CAMKV: variants seen among roughly 807,000 people sequenced by gnomAD.
CAMKV encodes CaM kinase like vesicle associated, also known as caM kinase-like vesicle-associated protein.
A neutral mutation model predicts 50.2 loss-of-function variants in CAMKV; 5 were observed. The observed-to-expected ratio is 0.10, with a 90% CI of 0.05 to 0.21. CAMKV has a LOEUF of 0.21. Ranked by LOEUF, CAMKV falls within the 10% of genes least tolerant of loss-of-function variation. CAMKV has a pLI of 1.00. For synonymous variants in CAMKV, 229 were observed against 250.1 expected (o/e 0.92, Z 0.80); for missense variants, 361 against 650.5 (o/e 0.55, Z 4.84).
chr3:49,866,187 G>A (rs992344153), intron 1 of CAMKV, among the ~76,000 whole-genome samples: 4 of 152,172 alleles, frequency 2.6e-5, no homozygotes, highest in Non-Finnish European at 5.9e-5. Context: ...AGAAAGAGGG[G>A]CCTGGCTTTC....
Position 49,858,075 on chromosome 3 carries a change from C to A in CAMKV, c.*1243G>T, listed in dbSNP as rs1230464403. ...TCACACACCAGAGCAGACCCACAGG[C>A]ATGCAGGGAGAAGGGCAGGACCACC... On this transcript the variant is annotated 3_prime_UTR_variant, in exon 11 of 11. Transcript: ENST00000477224. 16 of 394,240 alleles carry A rather than the reference C, an allele frequency of 4.1e-5. No individual in the cohort carries two copies. The highest frequency in any genetic ancestry group is 6.7e-5 in the Non-Finnish European group (15 of 223,798). 24.4% of individuals were successfully genotyped at this position (394,240 alleles called of 1,614,324 possible).
chr3:49,861,885 C>G lies in CAMKV; in HGVS notation c.228-20G>C, dbSNP rs183270938. On this transcript the variant is annotated intron_variant, in intron 3 of 10. Transcript: ENST00000477224. This position sits in a 1 kb window ranked among gnomAD's most constrained non-coding sequence, Gnocchi z 7.7. ...TTCACCCTGGCGACAGGGAGGGGAG[C>G]CAGTAGTTAGGGCTGGATGAACCCC... The G allele has an allele frequency of 2.8e-4, 455 of 1,613,148 alleles. 4 individuals carry two copies. In the African/African-American group the frequency reaches 4.8e-3, roughly 17 times the overall value.
At position 49,859,292 on chromosome 3, in the gene CAMKV, C is replaced by T; in HGVS notation, c.*26G>A. 1 of 1,509,404 alleles carries T rather than the reference C, an allele frequency of 6.6e-7. No homozygotes were observed. The highest frequency in any genetic ancestry group is 8.8e-7 in the Non-Finnish European group (1 of 1,132,504). 93.5% of individuals were successfully genotyped at this position (1,509,404 alleles called of 1,614,324 possible). A position where few individuals can be genotyped will look rare whatever the true frequency, so the allele number is the denominator to read the frequency against. On this transcript the variant is annotated 3_prime_UTR_variant, in exon 11 of 11. Transcript: ENST00000477224. The surrounding 1 kb of genome is among the most constrained non-coding windows in gnomAD (Gnocchi z 5.5). ...ACTCTCCCACCCTCCTGCCCATCCC[C>T]TGCCCCCCCTCACCAGGCTGCCTAC...
Position 49,861,306 on chromosome 3 carries a change from G to A in CAMKV, c.442-6C>T. ...TAGTAAACCAGGTTCTCCAGCTGTG[G>A]TGTGAGAATAGCATGTGGGTGAGCA... On this transcript the variant is annotated splice_polypyrimidine_tract_variant and splice_region_variant and intron_variant, in intron 5 of 10. Coordinates refer to ENST00000477224, the MANE Select transcript of CAMKV (RefSeq NM_024046.5). The surrounding 1 kb of genome is among the most constrained non-coding windows in gnomAD (Gnocchi z 7.7). 6.2e-7 allele frequency: 1 copy of A among 1,614,120 alleles called. No homozygotes were observed.
intron 1 of CAMKV, among the ~76,000 whole-genome samples, chr3:49,867,890 G>A (rs1163996960): frequency 2.6e-5 from 4 of 152,194 alleles, no homozygotes; most frequent in Non-Finnish European, 5.9e-5. Flanking sequence ...GGGGCGGATG[G>A]GTGCCCAGCA....
Position 49,862,054 on chromosome 3 carries a change from A to C in CAMKV, c.218T>G (p.Ile73Ser). The change falls in exon 3 of 11, where the codon ATC becomes AGC. Residue 73 changes from isoleucine (I) to serine (S), a missense_variant. Around this residue, in one of 4 missense-constraint regions of CAMKV, gnomAD observed 172 missense variants for 414.3 expected, o/e 0.42. Coordinates refer to ENST00000477224, the MANE Select transcript of CAMKV (RefSeq NM_024046.5). This position sits in a 1 kb window ranked among gnomAD's most constrained non-coding sequence, Gnocchi z 5.2. ...VRKAAKNEIG[I>S]LKMVKHPNIL... ...CAGGCCTCAAACTCACATCTTGAGG[A>C]TGCCTATCTCGTTCTTGGCAGCTTT... is the stretch of plus-strand genomic sequence containing the variant. 6.2e-7 allele frequency: 1 copy of C among 1,614,066 alleles called. No homozygotes were observed. Among genetic ancestry groups the C allele is most frequent in the Non-Finnish European group, 8.5e-7 (1 of 1,180,008 alleles).
Position 49,859,057 on chromosome 3 carries a change from GA to G in CAMKV, c.*260del. On this transcript the variant is annotated 3_prime_UTR_variant, in exon 11 of 11. Transcript: ENST00000477224. The surrounding 1 kb of genome is among the most constrained non-coding windows in gnomAD (Gnocchi z 5.5). ...CATCCCACAAGGAACAGAAACTGGTGAAGCTAGCAAAAGACAGAAAAGCCAC... is the reference window on the plus strand; with the variant it reads ...CATCCCACAAGGAACAGAAACTGGTGAGCTAGCAAAAGACAGAAAAGCCAC... 2.4e-6 allele frequency: 1 copy of G among 414,268 alleles called. No homozygotes were observed. The highest frequency in any genetic ancestry group is 4.3e-6 in the Non-Finnish European group (1 of 233,204). 25.7% of individuals were successfully genotyped at this position (414,268 alleles called of 1,614,324 possible).
Position 49,861,992 on chromosome 3 carries a change from A to G in CAMKV, c.227+53T>C. 1 of 1,612,382 alleles carries G rather than the reference A, an allele frequency of 6.2e-7. No homozygotes were observed. The highest frequency in any genetic ancestry group is 1.1e-5 in the South Asian group (1 of 90,720). On this transcript the variant is annotated intron_variant, in intron 3 of 10. Transcript: ENST00000477224. The surrounding 1 kb of genome is among the most constrained non-coding windows in gnomAD (Gnocchi z 7.7). ...GACTGCCTGAGGCCACTTGCCCTCT[A>G]AGCCCTTCCCTGCTGCCTCCCACCC...
At chr3:49,868,701 G>A (rs571879789) in intron 1 of CAMKV, among the ~76,000 whole-genome samples, 9 of 152,300 alleles carry the variant, frequency 5.9e-5, no homozygotes, top group Non-Finnish European at 8.8e-5. Context: ...CTCAGAAGTC[G>A]CTGGAGCTGC....
chr3:49,862,158 G>A lies in CAMKV; in HGVS notation c.114C>T (p.Ile38=). Residue 38 remains isoleucine, a synonymous_variant, in exon 3 of 11, where the codon ATC becomes ATT. Coordinates refer to ENST00000477224, the MANE Select transcript of CAMKV (RefSeq NM_024046.5). The surrounding 1 kb of genome is among the most constrained non-coding windows in gnomAD (Gnocchi z 5.2). The stretch of plus-strand genomic sequence containing the variant: ...CTGTCGTCTTGTCCTTGGCCCGGAA[G>A]ATTTCACAAAACTCCTCACTGCAGC... ...QVIKTEEFCE[I]FRAKDKTTGK... is the part of the protein sequence containing the mutation. 1 of 1,614,188 alleles carries A rather than the reference G, an allele frequency of 6.2e-7. No homozygotes were observed. Among genetic ancestry groups the A allele is most frequent in the Non-Finnish European group, 8.5e-7 (1 of 1,180,038 alleles).
rs1252469714 is a variant in CAMKV at position 49,859,306 on chromosome 3, C to T, written c.*12G>A. 2 of 1,517,916 alleles carry T rather than the reference C, an allele frequency of 1.3e-6. No individual in the cohort carries two copies. Among genetic ancestry groups the T allele is most frequent in the Non-Finnish European group, 1.8e-6 (2 of 1,136,270 alleles). 94.0% of individuals were successfully genotyped at this position (1,517,916 alleles called of 1,614,324 possible). A position where few individuals can be genotyped will look rare whatever the true frequency, so the allele number is the denominator to read the frequency against. The stretch of plus-strand genomic sequence containing the variant: ...CTGCCCATCCCCTGCCCCCCCTCAC[C>T]AGGCTGCCTACTCAGCTGGCCTCCT... On this transcript the variant is annotated 3_prime_UTR_variant, in exon 11 of 11. Transcript: ENST00000477224. The surrounding 1 kb of genome is among the most constrained non-coding windows in gnomAD (Gnocchi z 5.5).
rs1413865071 is a variant in CAMKV at position 49,869,431 on chromosome 3, T to C, written c.-15+327A>G. 6.6e-6 allele frequency among the ~76,000 whole-genome samples: 1 copy of C among 151,934 alleles called. No homozygotes were observed. Among genetic ancestry groups the C allele is most frequent in the Non-Finnish European group, 1.5e-5 (1 of 67,960 alleles). ...ACAGTTGGGAGGGGCTGGAGGCGGC[T>C]CTGGGAACGGGGAGGGACGGCTCAG... On this transcript the variant is annotated intron_variant, in intron 1 of 10. Transcript: ENST00000477224. This position sits in a 1 kb window ranked among gnomAD's most constrained non-coding sequence, Gnocchi z 5.2.
chr3:49,867,875 T>C lies in CAMKV; in HGVS notation c.-15+1883A>G, dbSNP rs146157404. On this transcript the variant is annotated intron_variant, in intron 1 of 10. Transcript: ENST00000477224. Reference sequence around the variant, plus strand: ...GGAAAGGGGAGGTGGACGGGAGTTCTGAAGGGGGCGGATGGGTGCCCAGCA... The same window carrying C: ...GGAAAGGGGAGGTGGACGGGAGTTCCGAAGGGGGCGGATGGGTGCCCAGCA... Among the ~76,000 whole-genome samples, 620 of 152,310 alleles carry C rather than the reference T, an allele frequency of 4.1e-3. 3 individuals carry two copies. Among genetic ancestry groups the C allele is most frequent in the Non-Finnish European group, 6.8e-3 (461 of 68,012 alleles).
rs1485071322 is a variant in CAMKV at position 49,862,885 on chromosome 3, C to A, written c.-14-483G>T. Among the ~76,000 whole-genome samples the A allele has an allele frequency of 6.6e-6, 1 of 152,190 alleles. No individual in the cohort carries two copies. The highest frequency in any genetic ancestry group is 2.4e-5 in the African/African-American group (1 of 41,438). The stretch of plus-strand genomic sequence containing the variant: ...AAACCACTAAAGTCAAACAAACATA[C>A]CCTATGAACCAGCAATTGCACTCCT... On this transcript the variant is annotated intron_variant, in intron 1 of 10. Coordinates refer to ENST00000477224, the MANE Select transcript of CAMKV (RefSeq NM_024046.5). The surrounding 1 kb of genome is among the most constrained non-coding windows in gnomAD (Gnocchi z 5.2).
chr3:49,869,502 A>G lies in CAMKV; in HGVS notation c.-15+256T>C, dbSNP rs2082090244. ...GGGGGACCACGAATCTTCGAGGGTT[A>G]ATCTTTTCACAATTCCGAGCCGCAG... On this transcript the variant is annotated intron_variant, in intron 1 of 10. Transcript: ENST00000477224. The surrounding 1 kb of genome is among the most constrained non-coding windows in gnomAD (Gnocchi z 5.2). 6.6e-6 allele frequency among the ~76,000 whole-genome samples: 1 copy of G among 152,082 alleles called. No individual in the cohort carries two copies. The highest frequency in any genetic ancestry group is 1.5e-5 in the Non-Finnish European group (1 of 67,998).
intron 1 of CAMKV, among the ~76,000 whole-genome samples, chr3:49,867,053 T>C (rs1368916535): frequency 6.6e-6 from 1 of 152,254 alleles, no homozygotes; most frequent in African/African-American, 2.4e-5. Flanking sequence ...TAGTGGCAGC[T>C]GTGAACACCA....
Position 49,860,739 on chromosome 3 carries a change from T to C in CAMKV, c.752A>G (p.Tyr251Cys). ...LAGDYEFDSP[Y>C]WDDISQAAKD... is the part of the protein sequence containing the mutation. The stretch of plus-strand genomic sequence containing the variant: ...ACCTGCCTGCGAAATATCATCCCAA[T>C]ATGGAGAGTCAAACTCATAGTCACC... The change falls in exon 8 of 11, where the codon TAT becomes TGT. Residue 251 changes from tyrosine to cysteine, a missense_variant. Physicochemically the swap from Tyr to Cys is radical, Grantham distance 194 (BLOSUM62 -2). Around this residue, in one of 4 missense-constraint regions of CAMKV, gnomAD observed 172 missense variants for 414.3 expected, o/e 0.42. Transcript: ENST00000477224. This position sits in a 1 kb window ranked among gnomAD's most constrained non-coding sequence, Gnocchi z 6.1. The C allele has an allele frequency of 6.2e-7, 1 of 1,614,116 alleles. No homozygotes were observed. The highest frequency in any genetic ancestry group is 1.3e-5 in the African/African-American group (1 of 75,010).
rs1485750027 is a variant in CAMKV at position 49,860,766 on chromosome 3, G to A, written c.725C>T (p.Ala242Val). The change falls in exon 8 of 11, where the codon GCT becomes GTT. Residue 242 changes from alanine (A) to valine (V), a missense_variant. By Grantham distance (64) the Ala-to-Val change is moderately conservative. This residue lies in a region of CAMKV where 172 missense variants were observed against 414.3 expected (regional missense o/e 0.42). Coordinates refer to ENST00000477224, the MANE Select transcript of CAMKV (RefSeq NM_024046.5). The surrounding 1 kb of genome is among the most constrained non-coding windows in gnomAD (Gnocchi z 6.1). ...HDKNLFRKIL[A>V]GDYEFDSPYW... ...TGGAGAGTCAAACTCATAGTCACCA[G>A]CCAGGATCTTGCGGAAGAGATTCTT... 1.9e-6 allele frequency: 3 copies of A among 1,614,014 alleles called. No individual in the cohort carries two copies.
In CAMKV at chr3:49,860,067, G is replaced by T. The variant is rs2082008850; in HGVS notation, c.942+104C>A. 8.4e-7 allele frequency: 1 copy of T among 1,183,964 alleles called. No individual in the cohort carries two copies. The allele number at this position is 1,183,964 out of a possible 1,614,324, so 73.3% of individuals were successfully genotyped here. On this transcript the variant is annotated intron_variant, in intron 10 of 10. Transcript: ENST00000477224. This position sits in a 1 kb window ranked among gnomAD's most constrained non-coding sequence, Gnocchi z 6.1. The stretch of plus-strand genomic sequence containing the variant: ...TGGCTACACCCACACCTGATGGCCT[G>T]AGAAAAGCTTGTGTGTGGCTGCAGG...
Sources: gnomAD v4.1 joint callset for allele counts (sites outside exome capture counted in the v4.1 genomes callset) on GRCh38, gnomAD v4.1.1 for gene constraint, gnomAD v4.1.1 regional missense constraint, Gnocchi (gnomAD v3.1) non-coding constraint, MANE v1.5 for transcripts, NCBI Gene and HGNC (gene_info 2026-07-23, HGNC 2026-07-21) for gene names.